CRPPA: variants seen among roughly 807,000 people sequenced by gnomAD.
CRPPA encodes D-ribitol-5-phosphate cytidylyltransferase.
Under a neutral mutation model 52.0 loss-of-function variants are expected in CRPPA, and 43 were observed. That is an observed-to-expected ratio of 0.83 (90% CI 0.65 to 1.07). The LOEUF (loss-of-function observed/expected upper bound fraction) is 1.07. Ranked by LOEUF, CRPPA falls within the 50% of genes least tolerant of loss-of-function variation. CRPPA has a pLI of 0.00. For synonymous variants in CRPPA, 250 were observed against 203.5 expected (o/e 1.23, Z -1.94); for missense variants, 629 against 551.7 (o/e 1.14, Z -1.40).
chr7:16,329,740 C>A (rs1340921702), intron 3 of CRPPA, among the ~76,000 whole-genome samples: 1 of 152,118 alleles, frequency 6.6e-6, no homozygotes, highest in Non-Finnish European at 1.5e-5. Context: ...CAGAGTAGGC[C>A]TTAAATTATA....
At chr7:16,324,697 C>T (rs549419394) in intron 3 of CRPPA, among the ~76,000 whole-genome samples, 2 of 152,328 alleles carry the variant, frequency 1.3e-5, no homozygotes, top group Non-Finnish European at 2.9e-5. Context: ...ACATCATTAT[C>T]TGCTCATGAC....
intron 6 of CRPPA, among the ~76,000 whole-genome samples, chr7:16,265,729 C>T (rs974185251): frequency 6.6e-6 from 1 of 151,530 alleles, no homozygotes; most frequent in African/African-American, 2.5e-5. Flanking sequence ...ACATTTAATA[C>T]ATTTATTGAG....
In CRPPA at chr7:16,342,022, G is replaced by A. The variant is rs1785857499; in HGVS notation, c.685-33395C>T. ...TTGGTTTCTCACTCTGTGCATATTG[G>A]TCTCTGCTGCACATACTCTATTTCT... On this transcript the variant is annotated intron_variant, in intron 3 of 9. Transcript: ENST00000407010. Among the ~76,000 whole-genome samples the A allele has an allele frequency of 1.3e-5, 2 of 151,832 alleles. 1 individual carries two copies. The highest frequency in any genetic ancestry group is 4.2e-4 in the South Asian group (2 of 4,808).
rs1360574185 is a variant in CRPPA at position 16,420,561 on chromosome 7, C to A, written c.257+505G>T. Among the ~76,000 whole-genome samples, 7 of 152,262 alleles carry A rather than the reference C, an allele frequency of 4.6e-5. No individual in the cohort carries two copies. In the South Asian group the frequency reaches 1.5e-3, roughly 32 times the overall value. On this transcript the variant is annotated intron_variant, in intron 1 of 9. Coordinates refer to ENST00000407010, the MANE Select transcript of CRPPA (RefSeq NM_001101426.4). ...TCCACCATTGAAAGGTTATTAAATTCTGCTCCTCTCCCCTCCTGCAGCACC... is the reference window on the plus strand; with the variant it reads ...TCCACCATTGAAAGGTTATTAAATTATGCTCCTCTCCCCTCCTGCAGCACC...
chr7:16,358,539 T>C (rs546562668), intron 3 of CRPPA, among the ~76,000 whole-genome samples: 1 of 152,160 alleles, frequency 6.6e-6, no homozygotes, highest in Non-Finnish European at 1.5e-5. Flanking sequence ...ACAAAATATA[T>C]ATCACAGTTT....
intron 2 of CRPPA, among the ~76,000 whole-genome samples, chr7:16,391,418 C>T (rs1438990890): frequency 6.6e-6 from 1 of 152,112 alleles, no homozygotes; most frequent in Non-Finnish European, 1.5e-5. Flanking sequence ...GTCCAGTAGC[C>T]TCCCAATTGG....
intron 8 of CRPPA, among the ~76,000 whole-genome samples, chr7:16,248,506 C>T (rs944923874): frequency 2.0e-5 from 3 of 152,098 alleles, no homozygotes; most frequent in Admixed American, 6.5e-5. Context: ...ACAGAGAATG[C>T]GCTTCTGTGA....
chr7:16,176,380 C>T (rs536559912), intron 9 of CRPPA, among the ~76,000 whole-genome samples: 2 of 152,140 alleles, frequency 1.3e-5, no homozygotes, highest in Admixed American at 1.3e-4. Context: ...AAGCGATTCA[C>T]CAAAGTAGCT....
chr7:16,182,511 T>C (rs1241568571), intron 9 of CRPPA, among the ~76,000 whole-genome samples: 1 of 152,116 alleles, frequency 6.6e-6, no homozygotes. Context: ...GTTAAATAAG[T>C]GAAGTATTTC....
At chr7:16,273,684 G>T (rs1383970917) in intron 6 of CRPPA, among the ~76,000 whole-genome samples, 1 of 152,124 alleles carries the variant, frequency 6.6e-6, no homozygotes, top group Admixed American at 6.5e-5. Context: ...AAGAGGGCTG[G>T]TGCAAAAGGT....
intron 8 of CRPPA, among the ~76,000 whole-genome samples, chr7:16,219,090 A>G (rs1278134163): frequency 6.6e-6 from 1 of 152,232 alleles, no homozygotes; most frequent in African/African-American, 2.4e-5. Flanking sequence ...ATAACGAATT[A>G]TCTCTCAGAC....
chr7:16,394,648 G>A (rs111772579), intron 2 of CRPPA, among the ~76,000 whole-genome samples: 1 of 152,116 alleles, frequency 6.6e-6, no homozygotes, highest in African/African-American at 2.4e-5. Context: ...CCAAAAACTA[G>A]CTTCAAGAGC....
At chr7:16,415,729 G>A (rs973627959) in intron 1 of CRPPA, among the ~76,000 whole-genome samples, 4 of 152,130 alleles carry the variant, frequency 2.6e-5, no homozygotes, top group African/African-American at 9.7e-5. Flanking sequence ...GAGTTTATTA[G>A]TACTTATCTG....
At chr7:16,278,459 G>A (rs188072641) in intron 5 of CRPPA, among the ~76,000 whole-genome samples, 154 of 152,284 alleles carry the variant, frequency 1.0e-3, no homozygotes, top group Non-Finnish European at 1.6e-3. Flanking sequence ...ACCAGCCATT[G>A]TGCAACTAAC....
intron 1 of CRPPA, among the ~76,000 whole-genome samples, chr7:16,419,801 C>G (rs1788283683): frequency 6.6e-6 from 1 of 152,042 alleles, no homozygotes; most frequent in Admixed American, 6.6e-5. Context: ...AGCCTCTACC[C>G]GCCAAATTAT....
intron 5 of CRPPA, among the ~76,000 whole-genome samples, chr7:16,280,602 T>A (rs1023978329): frequency 6.6e-6 from 1 of 152,234 alleles, no homozygotes; most frequent in Non-Finnish European, 1.5e-5. Flanking sequence ...AGGTTTTCCT[T>A]GCCTTGTTTC....
intron 3 of CRPPA, among the ~76,000 whole-genome samples, chr7:16,372,219 A>G (rs57386004): frequency 0.1 from 15,261 of 152,186 alleles, 898 homozygotes; most frequent in East Asian, 0.23. Flanking sequence ...TTCATTGCAA[A>G]AAGACCATCA....
At chr7:16,254,792 G>GAAAGAAGGAAAGAAAGAAAGAAAGAAA (rs1783573898) in intron 8 of CRPPA, among the ~76,000 whole-genome samples, 8 of 101,662 alleles carry the variant, frequency 7.9e-5, no homozygotes, top group Non-Finnish European at 1.4e-4. Flanking sequence ...AAAGAAAGAA[G>GAAAGAAGGAAAGAAAGAAAGAAAGAAA]GAAAGAAAGA....
At chr7:16,314,274 G>A (rs905701124) in intron 3 of CRPPA, among the ~76,000 whole-genome samples, 2 of 151,904 alleles carry the variant, frequency 1.3e-5, no homozygotes, top group African/African-American at 4.8e-5. Context: ...AAATGTCCTA[G>A]ATTTTGCAAT....
Sources: gnomAD v4.1 joint callset for allele counts (sites outside exome capture counted in the v4.1 genomes callset) on GRCh38, gnomAD v4.1.1 for gene constraint, MANE v1.5 for transcripts, NCBI Gene and HGNC (gene_info 2026-07-23, HGNC 2026-07-21) for gene names.